EXOC4: variants seen among roughly 807,000 people sequenced by gnomAD.
EXOC4 encodes SEC8-like 1.
EXOC4 carries 71 observed loss-of-function variants against 107.2 expected under a neutral mutation model. The observed-to-expected ratio is 0.66, with a 90% CI of 0.55 to 0.81. The LOEUF is 0.81. Ranked by LOEUF, EXOC4 falls within the 30% of genes least tolerant of loss-of-function variation. The pLI, the probability that EXOC4 is intolerant of heterozygous loss-of-function variation, is 0.00. For missense variants in EXOC4, 1,108 were observed against 1,189.6 expected, an observed-to-expected ratio of 0.93 and a Z score of 1.01; for synonymous variants, 456 against 441.2, an observed-to-expected ratio of 1.03 and a Z score of -0.42.
chr7:133,845,048 ACT>A (rs1409116978), intron 11 of EXOC4, among the ~76,000 whole-genome samples: 1 of 151,760 alleles, frequency 6.6e-6, no homozygotes, highest in Non-Finnish European at 1.5e-5. Flanking sequence ...GTATAAGTAG[ACT>A]CTACATCCTG....
chr7:133,839,479 T>C (rs1471535806), intron 11 of EXOC4, among the ~76,000 whole-genome samples: 2 of 152,246 alleles, frequency 1.3e-5, no homozygotes, highest in Non-Finnish European at 2.9e-5. Flanking sequence ...AAATGTATGC[T>C]CTTAATAAAT....
intron 9 of EXOC4, among the ~76,000 whole-genome samples, chr7:133,513,260 G>C (rs1194267835): frequency 6.6e-6 from 1 of 152,062 alleles, no homozygotes; most frequent in Non-Finnish European, 1.5e-5. Context: ...GTAGAAACAG[G>C]GTTTCACCAT....
intron 9 of EXOC4, among the ~76,000 whole-genome samples, chr7:133,622,260 C>CGA (rs1802352167): frequency 6.6e-6 from 1 of 152,150 alleles, no homozygotes; most frequent in Admixed American, 6.6e-5. Context: ...AGGGCATGAG[C>CGA]CGTCACACCT....
intron 10 of EXOC4, among the ~76,000 whole-genome samples, chr7:133,710,432 G>A (rs372758693): frequency 1.6e-4 from 24 of 151,932 alleles, no homozygotes; most frequent in East Asian, 3.9e-4. Flanking sequence ...AGGCCGAGGC[G>A]GGCGGATCAC....
intron 10 of EXOC4, among the ~76,000 whole-genome samples, chr7:133,802,648 C>G (rs1005307629): frequency 6.6e-6 from 1 of 152,002 alleles, no homozygotes; most frequent in African/African-American, 2.4e-5. Flanking sequence ...CACCCAAGTT[C>G]AGGAGTTCAA....
chr7:133,776,993 AAGG>A (rs1796358170), intron 10 of EXOC4, among the ~76,000 whole-genome samples: 1 of 152,190 alleles, frequency 6.6e-6, no homozygotes, highest in African/African-American at 2.4e-5. Context: ...TGAAAACAAA[AAGG>A]AGCAGGAGCT....
chr7:134,006,823 A>G (rs912396796), intron 16 of EXOC4, among the ~76,000 whole-genome samples: 2 of 152,140 alleles, frequency 1.3e-5, no homozygotes, highest in Non-Finnish European at 2.9e-5. Flanking sequence ...AAAAATAGTA[A>G]CCCATATGTG....
intron 7 of EXOC4, among the ~76,000 whole-genome samples, chr7:133,427,639 A>C (rs2150769806): frequency 6.6e-6 from 1 of 152,298 alleles, no homozygotes; most frequent in African/African-American, 2.4e-5. Context: ...TTGGCACAGG[A>C]AGGTTGAGCC....
At chr7:133,963,554 A>G (rs1042347157) in intron 14 of EXOC4, among the ~76,000 whole-genome samples, 3 of 152,180 alleles carry the variant, frequency 2.0e-5, no homozygotes, top group African/African-American at 7.2e-5. Flanking sequence ...GGGCCTCAGA[A>G]CCCCATGAAA....
chr7:134,090,957 A>G, the EXOC4 span, among the ~76,000 whole-genome samples: 4 of 151,918 alleles, frequency 2.6e-5, no homozygotes, highest in Admixed American at 6.6e-5. Context: ...ACCCAATCCC[A>G]TTCTTTACCC....
At chr7:133,403,988 C>G (rs1310124141) in intron 7 of EXOC4, among the ~76,000 whole-genome samples, 2 of 152,174 alleles carry the variant, frequency 1.3e-5, no homozygotes, top group South Asian at 2.1e-4. Flanking sequence ...GCACTGGTCT[C>G]TCTCCCTGGC....
rs1370366507 is a variant in EXOC4, at chr7:134,004,932, T to G, written c.2369T>G (p.Leu790Arg). 2 of 1,613,212 alleles carry G rather than the reference T, an allele frequency of 1.2e-6. No individual in the cohort carries two copies. Among genetic ancestry groups the G allele is most frequent in the Admixed American group, 1.7e-5 (1 of 59,958 alleles). ...LEVRVHCFHY[L>R]IPLAKEGNYA... Reference sequence around the variant, plus strand: ...TTCAGGGTTCACTGTTTCCACTATCTTATCCCTCTTGCAAAGGAGGGGAAC... The same window carrying G: ...TTCAGGGTTCACTGTTTCCACTATCGTATCCCTCTTGCAAAGGAGGGGAAC... Residue 790 changes from leucine to arginine, a missense_variant, in exon 16 of 18, where the codon CTT becomes CGT. Coordinates refer to ENST00000253861, the MANE Select transcript of EXOC4 (RefSeq NM_021807.4).
intron 10 of EXOC4, among the ~76,000 whole-genome samples, chr7:133,724,250 C>T (rs896736152): frequency 2.0e-5 from 3 of 152,186 alleles, no homozygotes; most frequent in Non-Finnish European, 4.4e-5. Flanking sequence ...GAGAATCCTT[C>T]ACTTTTCCAG....
chr7:134,034,204 A>C (rs1795335287), intron 17 of EXOC4, among the ~76,000 whole-genome samples: 1 of 152,206 alleles, frequency 6.6e-6, no homozygotes, highest in South Asian at 2.1e-4. Context: ...GAAAAGACTC[A>C]AGAAAATAGG....
At position 134,065,344 on chromosome 7, in the gene EXOC4, A is replaced by C. The variant is rs1236995427; in HGVS notation, c.*816A>C. 4 of 151,998 alleles carry C rather than the reference A, an allele frequency of 2.6e-5. No homozygotes were observed. 9.4% of individuals were successfully genotyped at this position (151,998 alleles called of 1,614,324 possible). A position where few individuals can be genotyped will look rare whatever the true frequency, so the allele number is the denominator to read the frequency against. ...GTTAGAGAACATTGCATCTCACTTG[A>C]AACATCCTTTGGGGGTAAATGATTC... On this transcript the variant is annotated 3_prime_UTR_variant, in exon 18 of 18. Transcript: ENST00000253861.
chr7:133,774,231 T>C (rs1234916939), intron 10 of EXOC4, among the ~76,000 whole-genome samples: 3 of 152,112 alleles, frequency 2.0e-5, no homozygotes, highest in Admixed American at 6.5e-5. Flanking sequence ...TTCTCAGGCA[T>C]GAGCAGAGAG....
At chr7:133,904,395 T>G (rs1799522894) in intron 12 of EXOC4, among the ~76,000 whole-genome samples, 1 of 152,216 alleles carries the variant, frequency 6.6e-6, no homozygotes, top group Non-Finnish European at 1.5e-5. Flanking sequence ...GTTATTTCTC[T>G]GTCATTCATA....
At chr7:133,494,975 A>G (rs1171339672) in intron 9 of EXOC4, among the ~76,000 whole-genome samples, 1 of 152,116 alleles carries the variant, frequency 6.6e-6, no homozygotes, top group African/African-American at 2.4e-5. Context: ...AATATACATT[A>G]TATTAAAAAA....
At chr7:133,383,225 TTTG>T (rs1242294897) in intron 7 of EXOC4, among the ~76,000 whole-genome samples, 64 of 152,320 alleles carry the variant, frequency 4.2e-4, no homozygotes, top group African/African-American at 1.5e-3. Context: ...AGAGGATCAC[TTTG>T]AACAAACCCA....
Sources: allele counts gnomAD v4.1 joint callset (sites outside exome capture counted in the v4.1 genomes callset), GRCh38; gene constraint gnomAD v4.1.1; transcripts MANE v1.5; gene names NCBI Gene and HGNC (gene_info 2026-07-23, HGNC 2026-07-21).